The following CDK13 variants were observed in gnomAD, a reference collection of about 807,000 sequenced individuals.
CDK13 encodes the protein cyclin dependent kinase 13.
In CDK13, 40 loss-of-function variants were observed where a neutral mutation model predicts 137.6. The ratio of observed to expected loss-of-function variants is 0.29; its 90% CI spans 0.23 to 0.38. The LOEUF is 0.38. Ranked by LOEUF, CDK13 falls within the 10% of genes least tolerant of loss-of-function variation. The pLI is 1.00. For synonymous variants in CDK13, 869 were observed against 760.1 expected (o/e 1.14, Z -2.36); for missense variants, 1,704 against 1,951.8 (o/e 0.87, Z 2.39).
chr7:39,996,559 A>G (rs193246690), intron 2 of CDK13, among the ~76,000 whole-genome samples: 38 of 152,342 alleles, frequency 2.5e-4, no homozygotes, highest in African/African-American at 8.9e-4. Flanking sequence ...TCCAATTTAG[A>G]AAAATTAATT....
At chr7:39,954,852 C>G (rs1012958966) in intron 1 of CDK13, among the ~76,000 whole-genome samples, 9 of 152,150 alleles carry the variant, frequency 5.9e-5, no homozygotes, top group African/African-American at 2.2e-4. Context: ...CTCCTGGGCT[C>G]AAATGATCCA....
chr7:40,010,210 G>C (rs1287806791), intron 5 of CDK13, among the ~76,000 whole-genome samples: 1 of 151,992 alleles, frequency 6.6e-6, no homozygotes, highest in African/African-American at 2.4e-5. Flanking sequence ...CCCATCTCAG[G>C]GCAATGGGAG....
intron 9 of CDK13, among the ~76,000 whole-genome samples, chr7:40,063,534 C>T (rs1443758126): frequency 6.6e-6 from 1 of 152,152 alleles, no homozygotes; most frequent in Non-Finnish European, 1.5e-5. Context: ...TGTGTATACA[C>T]ACTAAAATAC....
At chr7:40,093,974 A>G (rs1786985212) in intron 13 of CDK13, among the ~76,000 whole-genome samples, 156 bp from the exon 14 acceptor site, 1 of 150,982 alleles carries the variant, frequency 6.6e-6, no homozygotes, top group South Asian at 2.1e-4. Context: ...ACCAGTTACC[A>G]TAGTACTTGT....
chr7:40,003,194 ACACACACACACACT>A lies in CDK13; in HGVS notation c.2353+1165_2353+1178del, dbSNP rs1429102107. Among the ~76,000 whole-genome samples, 283 of 101,258 alleles carry A rather than the reference ACACACACACACACT, an allele frequency of 2.8e-3. 1 individual carries two copies. The highest frequency in any genetic ancestry group is 6.5e-3 in the African/African-American group (170 of 25,984). 66.4% of individuals were successfully genotyped at this position (101,258 alleles called of 152,430 possible). A position where few individuals can be genotyped will look rare whatever the true frequency, so the allele number is the denominator to read the frequency against. ...CACACACACACACACACACACACAC[ACACACACACACACT>A]CTCTCTCTCTCTCTCTCTTACTCTG... On this transcript the variant is annotated intron_variant, in intron 5 of 13. Coordinates refer to ENST00000181839, the MANE Select transcript of CDK13 (RefSeq NM_003718.5).
At chr7:39,981,707 A>G (rs920643328) in intron 1 of CDK13, among the ~76,000 whole-genome samples, 2 of 152,170 alleles carry the variant, frequency 1.3e-5, no homozygotes, top group Non-Finnish European at 2.9e-5. Flanking sequence ...GAGAAATAAA[A>G]GAGTTGGAGA....
intron 1 of CDK13, among the ~76,000 whole-genome samples, chr7:39,960,253 C>CT (rs777734478): frequency 1.0e-4 from 15 of 147,326 alleles, no homozygotes; most frequent in South Asian, 2.2e-4. Context: ...GAATCAAATA[C>CT]TTTTTTTTTT....
intron 5 of CDK13, among the ~76,000 whole-genome samples, chr7:40,030,529 C>G (rs1785355068): frequency 1.4e-5 from 2 of 147,332 alleles, no homozygotes; most frequent in Admixed American, 1.4e-4. Flanking sequence ...GCCTCCTGAG[C>G]AGCTGGGATT....
intron 5 of CDK13, among the ~76,000 whole-genome samples, chr7:40,010,652 A>G (rs1188322453): frequency 6.6e-6 from 1 of 152,222 alleles, no homozygotes; most frequent in Non-Finnish European, 1.5e-5. Flanking sequence ...TCTGTACTCC[A>G]GCCTGGGTGA....
chr7:40,031,779 G>A (rs950951608), intron 5 of CDK13, among the ~76,000 whole-genome samples: 6 of 150,882 alleles, frequency 4.0e-5, no homozygotes, highest in East Asian at 2.0e-4. Context: ...CTGAGTAGCC[G>A]GGACTGCAGG....
rs1343656983 is a variant in CDK13, at chr7:40,078,728, C to T, written c.2906C>T (p.Ala969Val). 1.3e-6 allele frequency: 2 copies of T among 1,501,172 alleles called. No individual in the cohort carries two copies. The highest frequency in any genetic ancestry group is 4.9e-5 in the East Asian group (2 of 40,552). The allele number at this position is 1,501,172 out of a possible 1,614,324, so 93.0% of individuals were successfully genotyped here. Residue 969 changes from alanine (A) to valine (V), a missense_variant, in exon 11 of 14, where the codon GCA (alanine) becomes GTA (valine). Coordinates refer to ENST00000181839, the MANE Select transcript of CDK13 (RefSeq NM_003718.5). ...KLREEFVFIPAAALDLFDYML... is the reference protein window; with the variant it reads ...KLREEFVFIPVAALDLFDYML... ...TAATCCTCTCATGCTAGTATTCCTG[C>T]AGCTGCGCTAGACTTATTTGATTAC...
intron 5 of CDK13, among the ~76,000 whole-genome samples, chr7:40,041,285 C>T (rs1198052457): frequency 6.6e-6 from 1 of 152,156 alleles, no homozygotes; most frequent in East Asian, 1.9e-4. Context: ...AAGATCGTGC[C>T]ACTGCACTCC....
intron 7 of CDK13, chr7:40,062,546 C>G: frequency 3.5e-6 from 1 of 286,424 alleles, no homozygotes; most frequent in Non-Finnish European, 6.6e-6. Context: ...TCCCAGAGTG[C>G]TGGGATTACA....
At position 40,051,460 on chromosome 7, in the gene CDK13, CAA is replaced by C. The variant is rs562499752; in HGVS notation, c.2600+3585_2600+3586del. On this transcript the variant is annotated intron_variant, in intron 7 of 13. Coordinates refer to ENST00000181839, the MANE Select transcript of CDK13 (RefSeq NM_003718.5). ...GATATTTTTTGAGATAAATATGTAACAAATGATTTTTCATTCATATTTCTGCT... is the reference window on the plus strand; with the variant it reads ...GATATTTTTTGAGATAAATATGTAACATGATTTTTCATTCATATTTCTGCT... Among the ~76,000 whole-genome samples the C allele has an allele frequency of 5.9e-3, 896 of 152,162 alleles. 9 individuals carry two copies. Among genetic ancestry groups the C allele is most frequent in the African/African-American group, 0.02 (838 of 41,510 alleles).
intron 5 of CDK13, among the ~76,000 whole-genome samples, chr7:40,038,453 G>T (rs191009062): frequency 6.6e-6 from 1 of 152,054 alleles, no homozygotes; most frequent in African/African-American, 2.4e-5. Flanking sequence ...ACATCATTTT[G>T]TATTTTGGCC....
chr7:40,014,950 A>G (rs1784973592), intron 5 of CDK13, among the ~76,000 whole-genome samples: 1 of 152,176 alleles, frequency 6.6e-6, no homozygotes, highest in South Asian at 2.1e-4. Context: ...TTAGTGATCA[A>G]TAAATTTTTT....
At chr7:39,965,207 T>TCGTTG (rs1783840557) in intron 1 of CDK13, among the ~76,000 whole-genome samples, 3 of 152,222 alleles carry the variant, frequency 2.0e-5, no homozygotes. Context: ...TTGATCTGTC[T>TCGTTG]AATGTTGACA....
At chr7:40,026,150 A>C (rs1584006241) in intron 5 of CDK13, among the ~76,000 whole-genome samples, 1 of 152,220 alleles carries the variant, frequency 6.6e-6, no homozygotes, top group Non-Finnish European at 1.5e-5. Context: ...TATGGCCACT[A>C]TATCTTTTCT....
chr7:40,023,267 G>A (rs7797041), intron 5 of CDK13, among the ~76,000 whole-genome samples: 82,261 of 151,488 alleles, frequency 0.54, 24,281 homozygotes, highest in African/African-American at 0.79. Flanking sequence ...TAATTTTTGT[G>A]TTTCTGGTAG....
Sources: gnomAD v4.1 joint callset for allele counts (sites outside exome capture counted in the v4.1 genomes callset) on GRCh38, gnomAD v4.1.1 for gene constraint, MANE v1.5 for transcripts, NCBI Gene and HGNC (gene_info 2026-07-23, HGNC 2026-07-21) for gene names.